Variants in NAV2 observed in about 807,000 individuals in gnomAD.
NAV2 encodes the protein neuron navigator 2, also known as helicase, APC down-regulated 1.
In NAV2, 54 loss-of-function variants were observed where a neutral mutation model predicts 223.2. The ratio of observed to expected loss-of-function variants is 0.24; its 90% CI spans 0.19 to 0.30. The LOEUF is 0.30. Ranked by LOEUF, NAV2 falls within the 10% of genes least tolerant of loss-of-function variation. NAV2 has a pLI of 1.00. For missense variants in NAV2, 2,806 were observed against 3,147.5 expected, an observed-to-expected ratio of 0.89 and a Z score of 2.60; for synonymous variants, 1,279 against 1,239.3, an observed-to-expected ratio of 1.03 and a Z score of -0.67.
chr11:19,463,744 A>G (rs1356561258), intron 1 of NAV2, among the ~76,000 whole-genome samples: 1 of 152,152 alleles, frequency 6.6e-6, no homozygotes, highest in Admixed American at 6.5e-5. Flanking sequence ...AGGGCAATCC[A>G]GGCAGGGAAT....
chr11:19,943,074 A>T (rs1020048208), intron 8 of NAV2, among the ~76,000 whole-genome samples: 13 of 152,260 alleles, frequency 8.5e-5, no homozygotes, highest in African/African-American at 3.1e-4. Flanking sequence ...TATGGCTATT[A>T]TATTTTGTGC....
At chr11:19,728,011 T>A (rs2051390995) in intron 1 of NAV2, among the ~76,000 whole-genome samples, 1 of 152,194 alleles carries the variant, frequency 6.6e-6, no homozygotes. Context: ...CCAGCCACTC[T>A]GGAGTCCAGA....
chr11:19,842,778 C>T, intron 2 of NAV2, 93 bp from the exon 3 acceptor site: 1 of 1,101,732 alleles, frequency 9.1e-7, no homozygotes, highest in Non-Finnish European at 1.4e-6. Context: ...CTGGTATGGG[C>T]CTTAGGACTT....
At chr11:19,844,007 A>G (rs1018401020) in intron 3 of NAV2, among the ~76,000 whole-genome samples, 1 of 152,108 alleles carries the variant, frequency 6.6e-6, no homozygotes, top group South Asian at 2.1e-4. Context: ...GTCATTTTCC[A>G]GTTTATATTC....
chr11:19,546,135 T>C (rs1190420831), intron 1 of NAV2, among the ~76,000 whole-genome samples: 1 of 152,158 alleles, frequency 6.6e-6, no homozygotes, highest in Non-Finnish European at 1.5e-5. Context: ...CACCAAACTG[T>C]GCTCAAACAG....
intron 20 of NAV2, among the ~76,000 whole-genome samples, chr11:20,066,590 A>T (rs1302595335): frequency 6.6e-6 from 1 of 152,154 alleles, no homozygotes; most frequent in Non-Finnish European, 1.5e-5. Context: ...AGGGAGGACA[A>T]TGGGGAGCAT....
chr11:19,579,341 C>T (rs900094322), intron 1 of NAV2, among the ~76,000 whole-genome samples: 2 of 152,174 alleles, frequency 1.3e-5, no homozygotes, highest in African/African-American at 4.8e-5. Flanking sequence ...GATTCTCTCC[C>T]AGGCCTGGTT....
At chr11:19,767,885 A>T (rs564265196) in intron 1 of NAV2, among the ~76,000 whole-genome samples, 19 of 152,372 alleles carry the variant, frequency 1.2e-4, no homozygotes, top group African/African-American at 4.3e-4. Flanking sequence ...CTTCAGGAAG[A>T]TAACCATGAG....
At chr11:19,510,122 T>C (rs1303792510) in intron 1 of NAV2, among the ~76,000 whole-genome samples, 1 of 152,174 alleles carries the variant, frequency 6.6e-6, no homozygotes, top group Non-Finnish European at 1.5e-5. Flanking sequence ...CAAGAGAGAT[T>C]GTATAGAGGA....
chr11:19,894,729 A>T (rs149589682), intron 6 of NAV2, among the ~76,000 whole-genome samples: 51 of 152,266 alleles, frequency 3.3e-4, no homozygotes, highest in African/African-American at 1.2e-3. Flanking sequence ...AAGGGAAGTC[A>T]TACTTATTTT....
In NAV2 at chr11:19,675,781, AGT is replaced by A. The variant is rs1337631754; in HGVS notation, c.76-156702_76-156701del. 5.3e-5 allele frequency among the ~76,000 whole-genome samples: 8 copies of A among 152,330 alleles called. No homozygotes were observed. The East Asian group carries it at 1.5e-3, about 29-fold the overall frequency. ...ACTGAGTTAGCCTCAGAGTTGCTCA[AGT>A]CCCCTCGAAACTAATTGATATTTGT... On this transcript the variant is annotated intron_variant, in intron 1 of 37. Coordinates refer to the NAV2 transcript ENST00000360655.
intron 1 of NAV2, among the ~76,000 whole-genome samples, chr11:19,559,218 G>A (rs571417518): frequency 1.3e-5 from 2 of 152,224 alleles, no homozygotes; most frequent in Non-Finnish European, 2.9e-5. Context: ...CTTCACAGCT[G>A]AGGAGACTGA....
chr11:19,437,985 A>C (rs1851270718), intron 1 of NAV2, among the ~76,000 whole-genome samples: 2 of 152,174 alleles, frequency 1.3e-5, no homozygotes, highest in African/African-American at 4.8e-5. Flanking sequence ...CTGGTGATTT[A>C]ATGTCTCTGG....
intron 6 of NAV2, among the ~76,000 whole-genome samples, chr11:19,930,994 G>T (rs548179912): frequency 6.6e-5 from 10 of 152,346 alleles, no homozygotes; most frequent in African/African-American, 2.4e-4. Flanking sequence ...ATCGAAGGAG[G>T]TAGCTATGAC....
At chr11:19,869,083 G>A in intron 4 of NAV2, 86 bp downstream of exon 4, 1 of 1,297,856 alleles carries the variant, frequency 7.7e-7, no homozygotes, top group Non-Finnish European at 1.1e-6. Context: ...ACACCATTAT[G>A]ACAAGGGATG....
chr11:19,954,483 C>T (rs2047664000), intron 10 of NAV2, among the ~76,000 whole-genome samples: 1 of 152,112 alleles, frequency 6.6e-6, no homozygotes, highest in East Asian at 1.9e-4. Flanking sequence ...TGTGGATGCT[C>T]AAGTTTTTCA....
chr11:19,892,789 C>T (rs2041620952), intron 6 of NAV2, among the ~76,000 whole-genome samples, 195 bp downstream of exon 6: 1 of 152,168 alleles, frequency 6.6e-6, no homozygotes, highest in African/African-American at 2.4e-5. Context: ...TTGTTATAGT[C>T]ACTAGCAAAA....
chr11:19,981,054 G>A (rs542950228), intron 10 of NAV2, among the ~76,000 whole-genome samples: 4 of 152,060 alleles, frequency 2.6e-5, no homozygotes, highest in Non-Finnish European at 5.9e-5. Context: ...CTCTACATGC[G>A]CACGATAAGT....
chr11:19,346,660 T>C (rs982142427), upstream of NAV2, among the ~76,000 whole-genome samples: 1 of 152,228 alleles, frequency 6.6e-6, no homozygotes, highest in East Asian at 1.9e-4. Context: ...TCGCTCGCAG[T>C]GCACAGATAA....
Sources: allele counts gnomAD v4.1 joint callset (sites outside exome capture counted in the v4.1 genomes callset), GRCh38; gene constraint gnomAD v4.1.1; transcripts MANE v1.5; gene names NCBI Gene and HGNC (gene_info 2026-07-23, HGNC 2026-07-21).